Variants in ADCY10 observed in about 807,000 individuals in gnomAD.
ADCY10 encodes adenylate cyclase 10.
In ADCY10, 156 loss-of-function variants were observed where a neutral mutation model predicts 183.3. The observed-to-expected ratio is 0.85, with a 90% CI of 0.75 to 0.97. The LOEUF is 0.97. ADCY10 is among the 50% of genes least tolerant of loss of function. The pLI is 0.00. For missense variants in ADCY10, 1,745 were observed against 1,934.3 expected, an observed-to-expected ratio of 0.90 and a Z score of 1.84; for synonymous variants, 645 against 670.0, an observed-to-expected ratio of 0.96 and a Z score of 0.58.
At chr1:167,815,886 C>T (rs1662500774) in intron 31 of ADCY10, among the ~76,000 whole-genome samples, 1 of 151,992 alleles carries the variant, frequency 6.6e-6, no homozygotes, top group African/African-American at 2.4e-5. Flanking sequence ...ATGCCTTTGA[C>T]AGGCTTATTA....
chr1:167,882,598 G>C (rs778621755), intron 9 of ADCY10, among the ~76,000 whole-genome samples: 3 of 152,080 alleles, frequency 2.0e-5, no homozygotes, highest in Non-Finnish European at 2.9e-5. Context: ...ATGGCAAGTG[G>C]GCTTTCTTGG....
At chr1:167,911,196 G>A (rs1670127829) in intron 1 of ADCY10, among the ~76,000 whole-genome samples, 1 of 152,244 alleles carries the variant, frequency 6.6e-6, no homozygotes. Flanking sequence ...CTATCTACCT[G>A]TGAGGGTAGA....
intron 1 of ADCY10, among the ~76,000 whole-genome samples, chr1:167,910,145 C>T (rs908056825): frequency 2.6e-5 from 4 of 152,140 alleles, no homozygotes; most frequent in African/African-American, 7.2e-5. Flanking sequence ...TTCTTTAACC[C>T]GGGTGTCTAA....
intron 13 of ADCY10, among the ~76,000 whole-genome samples, chr1:167,874,839 A>G (rs1398807514): frequency 6.6e-6 from 1 of 152,242 alleles, no homozygotes; most frequent in African/African-American, 2.4e-5. Flanking sequence ...ATAACATACC[A>G]TTGAGTAAGA....
intron 11 of ADCY10, 104 bp downstream of exon 11, chr1:167,880,011 G>A: frequency 2.1e-6 from 2 of 946,522 alleles, no homozygotes; most frequent in Non-Finnish European, 3.4e-6. Flanking sequence ...GTTTCTGAGG[G>A]CAGGGCTCAT....
chr1:167,835,990 G>A (rs888550060), intron 23 of ADCY10, among the ~76,000 whole-genome samples: 4 of 152,184 alleles, frequency 2.6e-5, no homozygotes, highest in African/African-American at 9.7e-5. Flanking sequence ...ACTTGAGGAA[G>A]ACTATGCTGA....
intron 22 of ADCY10, 75 bp from the exon 23 acceptor site, chr1:167,836,615 C>T (rs1571258394): frequency 1.2e-5 from 13 of 1,093,336 alleles, no homozygotes; most frequent in Middle Eastern, 2.5e-4. Flanking sequence ...TTAGGCCAGA[C>T]GCGGTGGCTC....
At chr1:167,858,976 G>C (rs1015107344) in intron 16 of ADCY10, among the ~76,000 whole-genome samples, 5 of 152,276 alleles carry the variant, frequency 3.3e-5, no homozygotes, top group African/African-American at 9.6e-5. Context: ...AAAAATAGTA[G>C]GACTTGGCAG....
At position 167,815,131 on chromosome 1, in the gene ADCY10, C is replaced by A. The variant is rs538489214; in HGVS notation, c.4482+2941G>T. ...CAGAGTGAGACTCTGTCTCCAACAA[C>A]AACAACAACAAAAATTAGACAAAAA... On this transcript the variant is annotated intron_variant, in intron 31 of 32. Coordinates refer to ENST00000367851, the MANE Select transcript of ADCY10 (RefSeq NM_018417.6). Among the ~76,000 whole-genome samples the A allele has an allele frequency of 9.9e-5, 15 of 151,962 alleles. No individual in the cohort carries two copies. The East Asian group carries it at 2.5e-3, about 26-fold the overall frequency.
At chr1:167,864,877 C>A (rs1666570577) in intron 14 of ADCY10, among the ~76,000 whole-genome samples, 1 of 143,952 alleles carries the variant, frequency 6.9e-6, no homozygotes. Flanking sequence ...TCTGTAGCAG[C>A]AGCTGCTTTG....
rs111388784 is a variant in ADCY10 at position 167,864,712 on chromosome 1, C to A, written c.1617-3649G>T. 6.7e-3 allele frequency among the ~76,000 whole-genome samples: 1,020 copies of A among 152,044 alleles called. 9 individuals are homozygous for A. The highest frequency in any genetic ancestry group is 0.011 in the Admixed American group (161 of 15,262). On this transcript the variant is annotated intron_variant, in intron 14 of 32. Coordinates refer to ENST00000367851, the MANE Select transcript of ADCY10 (RefSeq NM_018417.6). Reference sequence around the variant, plus strand: ...TTTAAAAGCCAAGGTAAATTTAAAACCTAAAATTGATAATTAAAGGTATTC... The same window carrying A: ...TTTAAAAGCCAAGGTAAATTTAAAAACTAAAATTGATAATTAAAGGTATTC...
chr1:167,814,108 A>T (rs1662374637), intron 31 of ADCY10, among the ~76,000 whole-genome samples: 1 of 152,170 alleles, frequency 6.6e-6, no homozygotes, highest in Non-Finnish European at 1.5e-5. Context: ...TAGCAAAATG[A>T]TACACACAAG....
chr1:167,898,607 T>TA (rs1219407302), intron 6 of ADCY10, among the ~76,000 whole-genome samples: 98 of 94,928 alleles, frequency 1.0e-3, no homozygotes, highest in Non-Finnish European at 1.8e-3. Context: ...TTTTTTTTTT[T>TA]AAAAAAAGAA....
At chr1:167,891,325 C>T (rs1041431106) in intron 8 of ADCY10, among the ~76,000 whole-genome samples, 12 of 151,908 alleles carry the variant, frequency 7.9e-5, no homozygotes, top group Non-Finnish European at 1.6e-4. Context: ...CATTTAGTTC[C>T]CCTCTTCTCT....
intron 13 of ADCY10, among the ~76,000 whole-genome samples, chr1:167,873,856 G>T (rs1481001426): frequency 6.6e-6 from 1 of 152,192 alleles, no homozygotes; most frequent in Non-Finnish European, 1.5e-5. Context: ...TTACATTAAA[G>T]TTAAGAATTC....
chr1:167,891,980 T>TC (rs1349747821), intron 8 of ADCY10, among the ~76,000 whole-genome samples: 45 of 151,446 alleles, frequency 3.0e-4, no homozygotes, highest in African/African-American at 1.0e-3. Flanking sequence ...TCTTTTCTTT[T>TC]TTTTTTTTTT....
At chr1:167,832,950 G>C (rs781556475) in intron 25 of ADCY10, 37 bp downstream of exon 25, 1 of 1,605,332 alleles carries the variant, frequency 6.2e-7, no homozygotes, top group Non-Finnish European at 8.5e-7. Context: ...TGGGGAGTGA[G>C]ACTAAACAGT....
chr1:167,896,147 T>C (rs1212822269), intron 7 of ADCY10, among the ~76,000 whole-genome samples: 3 of 151,972 alleles, frequency 2.0e-5, no homozygotes, highest in Admixed American at 2.0e-4. Context: ...AAGCTAGGTG[T>C]CAGCGGTGCA....
At chr1:167,818,777 G>T (rs577282831) in intron 30 of ADCY10, among the ~76,000 whole-genome samples, 4 of 152,194 alleles carry the variant, frequency 2.6e-5, no homozygotes, top group Non-Finnish European at 5.9e-5. Flanking sequence ...GACCTCAGGT[G>T]ATCCACCCGC....
Sources: gnomAD v4.1 joint callset for allele counts (sites outside exome capture counted in the v4.1 genomes callset) on GRCh38, gnomAD v4.1.1 for gene constraint, MANE v1.5 for transcripts, NCBI Gene and HGNC (gene_info 2026-07-23, HGNC 2026-07-21) for gene names.